LRCH1: variants seen among roughly 807,000 people sequenced by gnomAD.
LRCH1 encodes leucine rich repeats and calponin homology domain containing 1.
A neutral mutation model predicts 94.9 loss-of-function variants in LRCH1; 23 were observed. The observed-to-expected ratio is 0.24, with a 90% confidence interval of 0.17 to 0.34. LRCH1 has a LOEUF of 0.34. LRCH1 is among the 10% of genes least tolerant of loss of function. The probability of loss-of-function intolerance (pLI) is 1.00; values close to 1 mark genes in which losing one functional copy is unlikely to be tolerated. For missense variants in LRCH1, 790 were observed against 945.9 expected (o/e 0.84, Z 2.16); for synonymous variants, 364 against 354.9 (o/e 1.03, Z -0.29).
chr13:46,605,469 G>A (rs910043736), intron 1 of LRCH1, among the ~76,000 whole-genome samples: 1 of 152,080 alleles, frequency 6.6e-6, no homozygotes. Context: ...CTGTTTAGAG[G>A]CCCCACACAA....
At chr13:46,673,853 TCA>T (rs2051635639) in intron 3 of LRCH1, among the ~76,000 whole-genome samples, 2 of 149,198 alleles carry the variant, frequency 1.3e-5, no homozygotes, top group Non-Finnish European at 3.0e-5. Flanking sequence ...CAATCTCTGC[TCA>T]CTGCAGGCTC....
chr13:46,699,135 C>T (rs1871338724), intron 9 of LRCH1, among the ~76,000 whole-genome samples: 1 of 152,170 alleles, frequency 6.6e-6, no homozygotes, highest in South Asian at 2.1e-4. Context: ...TGAGAATTTC[C>T]CCCTTTCTAA....
chr13:46,716,698 A>G lies in LRCH1; in HGVS notation c.1759+1034A>G, dbSNP rs150139557. Among the ~76,000 whole-genome samples the G allele has an allele frequency of 7.1e-3, 1,081 of 152,298 alleles. 10 individuals are homozygous for G. Among genetic ancestry groups the G allele is most frequent in the South Asian group, 0.011 (51 of 4,828 alleles). On this transcript the variant is annotated intron_variant, in intron 16 of 19. Transcript: ENST00000389797. ...ATGCTTCTACAATTTCCTTATGGAG[A>G]AAGACAATGTATACTTTGGCAGAGT...
chr13:46,710,926 G>A (rs1394658192), intron 13 of LRCH1, among the ~76,000 whole-genome samples: 2 of 151,952 alleles, frequency 1.3e-5, no homozygotes, highest in Non-Finnish European at 2.9e-5. Context: ...CTTTCATGCT[G>A]GTTTTACAAG....
chr13:46,661,813 T>TTATGAA (rs1252302735), intron 2 of LRCH1, among the ~76,000 whole-genome samples: 1 of 152,232 alleles, frequency 6.6e-6, no homozygotes, highest in Non-Finnish European at 1.5e-5. Context: ...AATATTTTTA[T>TTATGAA]TACCTTAATG....
intron 18 of LRCH1, chr13:46,750,526 C>A (rs1229949610): frequency 2.6e-6 from 4 of 1,513,996 alleles, no homozygotes; most frequent in African/African-American, 1.4e-5. Flanking sequence ...ATGTTTTATT[C>A]TTTTTCCTTT....
intron 1 of LRCH1, among the ~76,000 whole-genome samples, chr13:46,616,068 C>G (rs80165674): frequency 0.012 from 1,842 of 152,240 alleles, 34 homozygotes; most frequent in African/African-American, 0.042. Context: ...CTTAGAATTA[C>G]GATGCAGTAA....
At chr13:46,585,362 G>A (rs528639390) in intron 1 of LRCH1, among the ~76,000 whole-genome samples, 191 of 152,132 alleles carry the variant, frequency 1.3e-3, no homozygotes, top group Admixed American at 3.7e-3. Context: ...CGGATCACGA[G>A]GTCAGGAGAT....
intron 18 of LRCH1, among the ~76,000 whole-genome samples, chr13:46,732,786 C>T (rs188569051): frequency 8.5e-4 from 129 of 152,288 alleles, no homozygotes; most frequent in African/African-American, 3.0e-3. Context: ...CTTCTGTTTG[C>T]ACAAGGCTTC....
intron 1 of LRCH1, among the ~76,000 whole-genome samples, chr13:46,628,617 A>C (rs1400952212): frequency 6.8e-6 from 1 of 146,912 alleles, no homozygotes; most frequent in Non-Finnish European, 1.5e-5. Context: ...AGATCACACC[A>C]CTGCAATCCA....
At chr13:46,715,222 A>G (rs1288319205) in intron 15 of LRCH1, among the ~76,000 whole-genome samples, 1 of 152,132 alleles carries the variant, frequency 6.6e-6, no homozygotes, top group Non-Finnish European at 1.5e-5. Context: ...TTTGCTTTTT[A>G]TCTACCTAAC....
At chr13:46,746,191 C>G (rs1008142875), downstream of LRCH1, among the ~76,000 whole-genome samples, 1 of 152,178 alleles carries the variant, frequency 6.6e-6, no homozygotes. Context: ...TACTTGAACT[C>G]TCTCTCTATA....
At chr13:46,572,791 A>T (rs1021671686) in intron 1 of LRCH1, among the ~76,000 whole-genome samples, 1 of 152,058 alleles carries the variant, frequency 6.6e-6, no homozygotes. Flanking sequence ...TCATTCATTC[A>T]TCCATCCAGC....
chr13:46,640,674 T>C (rs2138062568), intron 1 of LRCH1, among the ~76,000 whole-genome samples: 1 of 152,362 alleles, frequency 6.6e-6, no homozygotes, highest in South Asian at 2.1e-4. Flanking sequence ...CTCCTAATCT[T>C]CATGGAGCTT....
chr13:46,592,560 C>T (rs2050512486), intron 1 of LRCH1, among the ~76,000 whole-genome samples: 1 of 152,184 alleles, frequency 6.6e-6, no homozygotes, highest in Non-Finnish European at 1.5e-5. Flanking sequence ...CTGGAAAAAC[C>T]TGTTTAATTC....
chr13:46,668,932 C>A, intron 2 of LRCH1, 98 bp from the exon 3 acceptor site: 3 of 1,295,486 alleles, frequency 2.3e-6, no homozygotes, highest in Non-Finnish European at 2.1e-6. Flanking sequence ...AATGTCTTCT[C>A]AGATCACTCC....
intron 1 of LRCH1, among the ~76,000 whole-genome samples, chr13:46,598,046 C>T (rs745975617): frequency 3.1e-4 from 47 of 152,116 alleles, no homozygotes; most frequent in African/African-American, 1.0e-3. Context: ...TTTGGGAGGC[C>T]GAGGCAGGCA....
chr13:46,735,064 T>G (rs1045269136), intron 19 of LRCH1, among the ~76,000 whole-genome samples: 3 of 152,152 alleles, frequency 2.0e-5, no homozygotes, highest in Non-Finnish European at 2.9e-5. Context: ...CTTCTCATCT[T>G]ATTTGAGGAA....
chr13:46,604,207 T>C (rs927835325), intron 1 of LRCH1, among the ~76,000 whole-genome samples: 1 of 152,246 alleles, frequency 6.6e-6, no homozygotes, highest in Non-Finnish European at 1.5e-5. Flanking sequence ...ACTAAAAGAT[T>C]GTTAATTATC....
Sources: gnomAD v4.1 joint callset for allele counts (sites outside exome capture counted in the v4.1 genomes callset) on GRCh38, gnomAD v4.1.1 for gene constraint, MANE v1.5 for transcripts, NCBI Gene and HGNC (gene_info 2026-07-23, HGNC 2026-07-21) for gene names.